ABCC12: variants seen among roughly 807,000 people sequenced by gnomAD.
ABCC12 encodes the protein ATP-binding cassette sub-family C member 12.
A neutral mutation model predicts 151.1 loss-of-function variants in ABCC12; 142 were observed. That is an observed-to-expected ratio of 0.94 (90% CI 0.82 to 1.08). The LOEUF (loss-of-function observed/expected upper bound fraction) is 1.08, where lower values mean the gene tolerates loss of function less well. ABCC12 is among the 50% of genes least tolerant of loss of function. ABCC12 has a pLI of 0.00. For missense variants in ABCC12, 1,638 were observed against 1,691.1 expected (o/e 0.97, Z 0.55); for synonymous variants, 645 against 646.4 (o/e 1.00, Z 0.03).
chr16:48,133,317 T>C (rs1402560978), intron 9 of ABCC12, among the ~76,000 whole-genome samples: 1 of 151,124 alleles, frequency 6.6e-6, no homozygotes, highest in Non-Finnish European at 1.5e-5. Flanking sequence ...AGGTCGGGAG[T>C]TCAAGACCAG....
Position 48,115,626 on chromosome 16 carries a change from C to T in ABCC12, c.1786-8G>A. 1 of 1,611,584 alleles carries T rather than the reference C, an allele frequency of 6.2e-7. No homozygotes were observed. Among genetic ancestry groups the T allele is most frequent in the Non-Finnish European group, 8.5e-7 (1 of 1,178,724 alleles). ...GAGGCCCCGCTCCCCAATCTGTGGA[C>T]AGGGACAATGCTACTGCCCATTGTC... On this transcript the variant is annotated splice_region_variant and splice_polypyrimidine_tract_variant and intron_variant, in intron 14 of 30. Coordinates refer to ENST00000311303, the MANE Select transcript of ABCC12 (RefSeq NM_001393797.1).
chr16:48,097,044 C>A, intron 23 of ABCC12, 142 bp from the exon 24 acceptor site: 4 of 926,714 alleles, frequency 4.3e-6, no homozygotes, highest in Non-Finnish European at 6.9e-6. Context: ...AACACACTCT[C>A]ACATAGCAAA....
At chr16:48,090,983 T>G (rs1218924224) in intron 25 of ABCC12, 137 bp downstream of exon 25, 2 of 800,108 alleles carry the variant, frequency 2.5e-6, no homozygotes, top group African/African-American at 3.4e-5. Flanking sequence ...AGTGCTGGGA[T>G]TATAGGCGTA....
Position 48,140,854 on chromosome 16 carries a change from C to A in ABCC12, c.490G>T (p.Gly164Ter), listed in dbSNP as rs141807269. 2.1e-3 allele frequency: 3,349 copies of A among 1,614,126 alleles called. 15 individuals are homozygous for A. The highest frequency in any genetic ancestry group is 0.01 in the Middle Eastern group (63 of 6,056). ...GTGGCAAAAAGGGCTATGCACAGTCCAATGCCAACCCAGACTTTCCCAGAG... is the reference window on the plus strand; with the variant it reads ...GTGGCAAAAAGGGCTATGCACAGTCAAATGCCAACCCAGACTTTCCCAGAG... ...RTSGKVWVGI[G>*]LCIALFATEF... Residue 164 changes from glycine to a stop codon, truncating the protein, a stop_gained, in exon 6 of 31, where the codon GGA (glycine) becomes TGA (stop). Coordinates refer to ENST00000311303, the MANE Select transcript of ABCC12 (RefSeq NM_001393797.1). LOFTEE classifies it high-confidence loss of function.
In ABCC12 at chr16:48,088,622, G is replaced by T. The variant is rs1309617106; in HGVS notation, c.3398C>A (p.Thr1133Asn). ...RDYQMRYRDN[T>N]PLVLDSLNLN... ...GTTCAGGCTGTCGAGAACAAGGGGGGTGTTGTCTCTGTATCTCATCTGATA... is the reference window on the plus strand; with the variant it reads ...GTTCAGGCTGTCGAGAACAAGGGGGTTGTTGTCTCTGTATCTCATCTGATA... The change falls in exon 26 of 31, where the codon ACC (threonine) becomes AAC (asparagine). Residue 1133 changes from threonine (T) to asparagine (N), a missense_variant. Transcript: ENST00000311303. The T allele has an allele frequency of 6.2e-7, 1 of 1,614,210 alleles. No homozygotes were observed. The highest frequency in any genetic ancestry group is 1.7e-5 in the Admixed American group (1 of 60,028).
intron 25 of ABCC12, 77 bp downstream of exon 25, chr16:48,091,043 A>G (rs1962862739): frequency 7.1e-7 from 1 of 1,401,276 alleles, no homozygotes; most frequent in Non-Finnish European, 1.0e-6. Flanking sequence ...CCCCTTTCGC[A>G]TCTAAAAAGA....
chr16:48,135,697 A>C (rs1964585834), intron 8 of ABCC12, among the ~76,000 whole-genome samples: 1 of 152,184 alleles, frequency 6.6e-6, no homozygotes, highest in South Asian at 2.1e-4. Flanking sequence ...ATGAAAAAAC[A>C]TTTTTAAATA....
chr16:48,089,664 A>T (rs1962796173), intron 25 of ABCC12, among the ~76,000 whole-genome samples: 1 of 152,220 alleles, frequency 6.6e-6, no homozygotes, highest in Non-Finnish European at 1.5e-5. Context: ...ATTGTTAAGG[A>T]CTGAGTATTT....
At chr16:48,119,596 G>A (rs1258618430) in intron 13 of ABCC12, among the ~76,000 whole-genome samples, 1 of 152,246 alleles carries the variant, frequency 6.6e-6, no homozygotes, top group Non-Finnish European at 1.5e-5. Context: ...CCTGGCCACA[G>A]GACGGCATGG....
chr16:48,109,158 T>G (rs1567449035), intron 18 of ABCC12, among the ~76,000 whole-genome samples: 1 of 152,146 alleles, frequency 6.6e-6, no homozygotes, highest in Admixed American at 6.5e-5. Context: ...GGGCTGGGCA[T>G]GCTGAAGTGG....
At position 48,140,883 on chromosome 16, in the gene ABCC12, C is replaced by T. The variant is rs1480857610; in HGVS notation, c.461G>A (p.Arg154Lys). 7 of 1,614,014 alleles carry T rather than the reference C, an allele frequency of 4.3e-6. No individual in the cohort carries two copies. The highest frequency in any genetic ancestry group is 1.1e-5 in the South Asian group (1 of 91,060). The stretch of plus-strand genomic sequence containing the variant: ...GCCAACCCAGACTTTCCCAGAGGTC[C>T]TCTCAGTCTGCTGGAGGATTTGGTG... Reference protein sequence around the residue: ...LIHQILQQTERTSGKVWVGIG... With the variant: ...LIHQILQQTEKTSGKVWVGIG... Residue 154 changes from arginine to lysine, a missense_variant, in exon 6 of 31, where the codon AGG becomes AAG. Physicochemically the swap from Arg to Lys is conservative, Grantham distance 26. Coordinates refer to ENST00000311303, the MANE Select transcript of ABCC12 (RefSeq NM_001393797.1).
intron 10 of ABCC12, among the ~76,000 whole-genome samples, chr16:48,130,140 A>G (rs1964371869): frequency 6.6e-6 from 1 of 152,202 alleles, no homozygotes; most frequent in Non-Finnish European, 1.5e-5. Context: ...TTTCGTGTTG[A>G]CACAAATGCC....
At chr16:48,118,597 A>G (rs1963968063) in intron 13 of ABCC12, among the ~76,000 whole-genome samples, 1 of 152,220 alleles carries the variant, frequency 6.6e-6, no homozygotes, top group Non-Finnish European at 1.5e-5. Flanking sequence ...GCGAGTAACA[A>G]TGGGCAGGCC....
At position 48,115,496 on chromosome 16, in the gene ABCC12, G is replaced by A. The variant is rs148097337; in HGVS notation, c.1908C>T (p.His636=). Residue 636 remains histidine, a synonymous_variant, in exon 15 of 31, where the codon CAC becomes CAT. Coordinates refer to ENST00000311303, the MANE Select transcript of ABCC12 (RefSeq NM_001393797.1). ...LDDPLSAVDA[H]VGKHVFEECI... Reference sequence around the variant, plus strand: ...ACTCCTCAAAGACGTGCTTCCCCACGTGGGCGTCCACGGCCGACAGGGGGT... The same window carrying A: ...ACTCCTCAAAGACGTGCTTCCCCACATGGGCGTCCACGGCCGACAGGGGGT... The A allele has an allele frequency of 1.1e-5, 17 of 1,614,078 alleles. No homozygotes were observed. Among genetic ancestry groups the A allele is most frequent in the East Asian group, 4.5e-5 (2 of 44,886 alleles).
chr16:48,107,214 A>T (rs1963522937), intron 20 of ABCC12, 108 bp downstream of exon 20: 3 of 1,018,952 alleles, frequency 2.9e-6, no homozygotes, highest in Admixed American at 3.5e-5. Context: ...GGGCAGAGGG[A>T]TGCATGTGGG....
rs182863404 is a variant in ABCC12 at position 48,115,932 on chromosome 16, C to T, written c.1786-314G>A. Among the ~76,000 whole-genome samples the T allele has an allele frequency of 6.4e-4, 97 of 152,290 alleles. 1 individual carries two copies. Among genetic ancestry groups the T allele is most frequent in the African/African-American group, 1.9e-3 (78 of 41,552 alleles). ...ATGCAGATCCCACAGGGAGGGGCTACGTCATTTTTATCACCAAAGGGAATT... is the reference window on the plus strand; with the variant it reads ...ATGCAGATCCCACAGGGAGGGGCTATGTCATTTTTATCACCAAAGGGAATT... On this transcript the variant is annotated intron_variant, in intron 14 of 30. Transcript: ENST00000311303.
At chr16:48,100,759 T>A in intron 23 of ABCC12, 113 bp downstream of exon 23, 1 of 1,300,410 alleles carries the variant, frequency 7.7e-7, no homozygotes. Context: ...TTCTTCCAGC[T>A]CTTTGTCTGT....
intron 11 of ABCC12, among the ~76,000 whole-genome samples, chr16:48,127,253 A>G (rs1170324042): frequency 6.6e-6 from 1 of 152,158 alleles, no homozygotes; most frequent in Non-Finnish European, 1.5e-5. Flanking sequence ...ACCAGGCACA[A>G]GATTAATGTT....
intron 13 of ABCC12, among the ~76,000 whole-genome samples, chr16:48,117,713 T>TG (rs766864233): frequency 1.3e-5 from 2 of 152,108 alleles, no homozygotes; most frequent in Admixed American, 6.5e-5. Flanking sequence ...GATGGCCTCC[T>TG]GGGGGTCACA....
Sources: gnomAD v4.1 joint callset for allele counts (sites outside exome capture counted in the v4.1 genomes callset) on GRCh38, gnomAD v4.1.1 for gene constraint, MANE v1.5 for transcripts, NCBI Gene and HGNC (gene_info 2026-07-23, HGNC 2026-07-21) for gene names.